The following MACF1 variants were observed in gnomAD, a reference collection of about 807,000 sequenced individuals.
MACF1 encodes the protein microtubule-actin cross-linking factor 1.
Under a neutral mutation model 854.8 loss-of-function variants are expected in MACF1, and 193 were observed. The ratio of observed to expected loss-of-function variants is 0.23; its 90% CI spans 0.20 to 0.25. The LOEUF (loss-of-function observed/expected upper bound fraction) is 0.25. Among genes scored for constraint, MACF1 ranks in the 10% least tolerant of loss-of-function variants. MACF1 has a pLI of 1.00. For missense variants in MACF1, 7,722 were observed against 8,929.1 expected (o/e 0.86, Z 5.45); for synonymous variants, 3,185 against 3,226.7 (o/e 0.99, Z 0.44).
At chr1:39,469,384 T>G (rs1273936714) in intron 96 of MACF1, among the ~76,000 whole-genome samples, 163 bp from the exon 97 acceptor site, 1 of 152,200 alleles carries the variant, frequency 6.6e-6, no homozygotes, top group Non-Finnish European at 1.5e-5. Flanking sequence ...CCGGTTCCAA[T>G]TGCTAAATCC....
rs772683170 is a variant in MACF1, at chr1:39,347,096, G to C, written c.10701G>C (p.Leu3567=). ...DLSPQQNRQM[L]RLLNELQRSF... ...CCCCTCAGCAGAATCGACAGATGCT[G>C]AGGCTTCTGAATGAACTGCAGAGGT... Residue 3567 remains leucine (L), a synonymous_variant, in exon 41 of 101, where the codon CTG becomes CTC. Transcript: ENST00000564288. 6.2e-7 allele frequency: 1 copy of C among 1,613,736 alleles called. No individual in the cohort carries two copies. The highest frequency in any genetic ancestry group is 8.5e-7 in the Non-Finnish European group (1 of 1,179,696).
chr1:39,285,866 AG>A (rs751030081), intron 14 of MACF1, 108 bp downstream of exon 14: 259 of 1,283,954 alleles, frequency 2.0e-4, no homozygotes, highest in Non-Finnish European at 2.5e-4. Context: ...TGGACATTTG[AG>A]GTCAGTGTCT....
intron 11 of MACF1, 32 bp from the exon 12 acceptor site, chr1:39,285,051 G>A (rs1645617705): frequency 6.2e-7 from 1 of 1,611,456 alleles, no homozygotes; most frequent in South Asian, 1.1e-5. Context: ...GGGCATGGCT[G>A]TGTTTTTGGA....
In MACF1 at chr1:39,429,928, G is replaced by C; in HGVS notation, c.16990G>C (p.Ala5664Pro). ...CAAGGCCCTCAGAACTTTAGAGCAA[G>C]CCCGGCAGCTGGCCACCAAGTTCCA... ...SSKALRTLEQARQLATKFQST... is the reference protein window; with the variant it reads ...SSKALRTLEQPRQLATKFQST... Residue 5664 changes from alanine to proline, a missense_variant, in exon 65 of 101, where the codon GCC becomes CCC. Physicochemically the swap from Ala to Pro is conservative, Grantham distance 27. Coordinates refer to ENST00000564288, the MANE Select transcript of MACF1 (RefSeq NM_001394062.1). The C allele has an allele frequency of 6.2e-7, 1 of 1,614,136 alleles. No homozygotes were observed. Among genetic ancestry groups the C allele is most frequent in the Non-Finnish European group, 8.5e-7 (1 of 1,180,022 alleles).
chr1:39,388,752 T>A, intron 58 of MACF1, 94 bp downstream of exon 58: 1 of 1,190,552 alleles, frequency 8.4e-7, no homozygotes, highest in Non-Finnish European at 1.1e-6. Context: ...CTTCTGTCCC[T>A]AGTTTTATTA....
chr1:39,177,335 C>T (rs1464845471), intron 2 of MACF1, among the ~76,000 whole-genome samples: 4 of 151,996 alleles, frequency 2.6e-5, no homozygotes, highest in African/African-American at 7.3e-5. Context: ...TTGGTCAGGC[C>T]GGTTTCAAAC....
At chr1:39,301,449 G>A (rs60322440) in intron 22 of MACF1, among the ~76,000 whole-genome samples, 3,625 of 149,040 alleles carry the variant, frequency 0.024, 109 homozygotes, top group East Asian at 0.17. Flanking sequence ...TTTTTGAGAC[G>A]GAGTCTCGCT....
chr1:39,295,684 G>T, intron 19 of MACF1, 103 bp from the exon 20 acceptor site: 1 of 768,606 alleles, frequency 1.3e-6, no homozygotes, highest in South Asian at 1.9e-5. Context: ...TTTTCTGTTG[G>T]CTTCTCTATC....
At chr1:39,476,413 A>G (rs551180682) in intron 97 of MACF1, among the ~76,000 whole-genome samples, 44 of 152,224 alleles carry the variant, frequency 2.9e-4, no homozygotes, top group Non-Finnish European at 5.1e-4. Context: ...TACTAAAAAT[A>G]CGAAAAATTA....
chr1:39,093,797 C>CT (rs988724438), intron 2 of MACF1, among the ~76,000 whole-genome samples: 3 of 146,858 alleles, frequency 2.0e-5, no homozygotes, highest in South Asian at 2.2e-4. Context: ...GGATTCTTTT[C>CT]TTTTTTTTGA....
intron 2 of MACF1, among the ~76,000 whole-genome samples, chr1:39,160,632 G>T (rs1271269607): frequency 6.6e-6 from 1 of 152,218 alleles, no homozygotes; most frequent in Non-Finnish European, 1.5e-5. Context: ...TGCAACCTGA[G>T]TCTTTTTCAG....
intron 26 of MACF1, among the ~76,000 whole-genome samples, chr1:39,311,907 C>T (rs1646308408): frequency 6.6e-6 from 1 of 152,066 alleles, no homozygotes; most frequent in African/African-American, 2.4e-5. Flanking sequence ...AGTGATTTTT[C>T]TAACTTTCTA....
At chr1:39,166,027 A>T (rs1011512137) in intron 2 of MACF1, among the ~76,000 whole-genome samples, 1 of 151,650 alleles carries the variant, frequency 6.6e-6, no homozygotes, top group Non-Finnish European at 1.5e-5. Flanking sequence ...TTGAGGGATT[A>T]TCAGCCCCAT....
chr1:39,311,099 C>T (rs1646290848), intron 26 of MACF1, 99 bp downstream of exon 26: 1 of 1,315,140 alleles, frequency 7.6e-7, no homozygotes, highest in Admixed American at 2.3e-5. Flanking sequence ...AGGCAATAGA[C>T]TCAAGACAGT....
intron 2 of MACF1, among the ~76,000 whole-genome samples, chr1:39,233,808 T>TTTTTTTTTGTTTGA (rs755591226): frequency 1.5e-5 from 1 of 65,772 alleles, no homozygotes; most frequent in Non-Finnish European, 3.3e-5. Context: ...ATTTATTTTT[T>TTTTTTTTTGTTTGA]ATTGATAATT....
At chr1:39,369,316 T>C (rs1649026494) in intron 50 of MACF1, among the ~76,000 whole-genome samples, 2 of 152,188 alleles carry the variant, frequency 1.3e-5, no homozygotes, top group Admixed American at 6.6e-5. Context: ...ACTTCTTATC[T>C]AAGTTTAGCG....
rs1217939101 is a variant in MACF1 at position 39,284,169 on chromosome 1, A to G, written c.1019A>G (p.Asn340Ser). The part of the protein sequence containing the change: ...ILMSDKTFPQ[N>S]PVELKALYNQ... ...ATGTCAGATAAAACTTTTCCCCAAA[A>G]CCCTGTTGAACTAAAGGTAAAGTCA... is the stretch of plus-strand genomic sequence containing the variant. Residue 340 changes from asparagine to serine, a missense_variant, in exon 10 of 101, where the codon AAC becomes AGC. Physicochemically the swap from Asn to Ser is conservative, Grantham distance 46. Coordinates refer to ENST00000564288, the MANE Select transcript of MACF1 (RefSeq NM_001394062.1). 1 of 1,613,198 alleles carries G rather than the reference A, an allele frequency of 6.2e-7. No homozygotes were observed. The highest frequency in any genetic ancestry group is 1.3e-5 in the African/African-American group (1 of 74,948).
chr1:39,354,010 C>T (rs1356580781), intron 44 of MACF1, among the ~76,000 whole-genome samples: 2 of 152,158 alleles, frequency 1.3e-5, no homozygotes, highest in Non-Finnish European at 2.9e-5. Context: ...TTCTAAAATG[C>T]CATATCCTTG....
Position 39,187,933 on chromosome 1 carries a change from T to TTTCCC in MACF1, c.221-43227_221-43223dup, listed in dbSNP as rs1200453435. ...TCCTTCCTTCCTTCCTTCTTTCCCC[T>TTTCCC]TTCCCTTCCCTTCCCTTCCCTTCCC... On this transcript the variant is annotated intron_variant, in intron 2 of 93. Coordinates refer to the MACF1 transcript ENST00000361689. 1.5e-3 allele frequency among the ~76,000 whole-genome samples: 135 copies of TTTCCC among 91,746 alleles called. 3 individuals carry two copies. Among genetic ancestry groups the TTTCCC allele is most frequent in the Middle Eastern group, 6.4e-3 (1 of 156 alleles). The allele number at this position is 91,746 out of a possible 152,430, so 60.2% of individuals were successfully genotyped here.
Sources: gnomAD v4.1 joint callset for allele counts (sites outside exome capture counted in the v4.1 genomes callset) on GRCh38, gnomAD v4.1.1 for gene constraint, MANE v1.5 for transcripts, NCBI Gene and HGNC (gene_info 2026-07-23, HGNC 2026-07-21) for gene names.